Variants in PTPRE observed in about 807,000 individuals in gnomAD.
PTPRE encodes receptor-type tyrosine-protein phosphatase epsilon.
Under a neutral mutation model 102.0 loss-of-function variants are expected in PTPRE, and 51 were observed. The ratio of observed to expected loss-of-function variants is 0.50; its 90% CI spans 0.40 to 0.63. PTPRE has a LOEUF of 0.63. Ranked by LOEUF, PTPRE falls within the 30% of genes least tolerant of loss-of-function variation. PTPRE has a pLI of 0.00. For missense variants in PTPRE, 752 were observed against 915.1 expected (o/e 0.82, Z 2.30); for synonymous variants, 345 against 348.2 (o/e 0.99, Z 0.10).
intron 2 of PTPRE, among the ~76,000 whole-genome samples, chr10:127,990,787 C>G (rs1852566794): frequency 6.6e-6 from 1 of 152,214 alleles, no homozygotes; most frequent in South Asian, 2.1e-4. Context: ...TTTGCTCTCT[C>G]ACTGCTCTCC....
At chr10:127,910,148 T>G (rs866075172) in intron 1 of PTPRE, among the ~76,000 whole-genome samples, 1 of 152,330 alleles carries the variant, frequency 6.6e-6, no homozygotes, top group Middle Eastern at 3.4e-3. Context: ...TTCTTAATAT[T>G]TGAATATCAC....
At position 127,966,313 on chromosome 10, in the gene PTPRE, C is replaced by T. The variant is rs111926023; in HGVS notation, c.-30-15961C>T. Among the ~76,000 whole-genome samples the T allele has an allele frequency of 2.5e-3, 383 of 152,246 alleles. 3 individuals are homozygous for T. Among genetic ancestry groups the T allele is most frequent in the African/African-American group, 8.0e-3 (331 of 41,532 alleles). ...TAGGAATTGCATGACAGTTACTGAT[C>T]ATTTATCTTTTAAAATGGGTCAATA... On this transcript the variant is annotated intron_variant, in intron 1 of 20. Coordinates refer to ENST00000254667, the MANE Select transcript of PTPRE (RefSeq NM_006504.6).
chr10:128,052,808 C>T lies in PTPRE; in HGVS notation c.420+3142C>T, dbSNP rs114300666. Among the ~76,000 whole-genome samples the T allele has an allele frequency of 9.8e-3, 1,492 of 152,306 alleles. 29 individuals are homozygous for T. The highest frequency in any genetic ancestry group is 0.034 in the African/African-American group (1,402 of 41,550). On this transcript the variant is annotated intron_variant, in intron 6 of 20. Transcript: ENST00000254667. Reference sequence around the variant, plus strand: ...ACCGCAAAGCTTCCAGCACAACAAACAAACCAGAACCATTCCCTGGAGCTC... The same window carrying T: ...ACCGCAAAGCTTCCAGCACAACAAATAAACCAGAACCATTCCCTGGAGCTC...
intron 2 of PTPRE, among the ~76,000 whole-genome samples, chr10:128,026,982 C>A (rs962436559): frequency 6.6e-6 from 1 of 152,218 alleles, no homozygotes; most frequent in Non-Finnish European, 1.5e-5. Context: ...AACAAATAAT[C>A]ATTTTGCCCT....
In PTPRE at chr10:128,002,683, C is replaced by CTT. The variant is rs59007980; in HGVS notation, c.-8+20423_-8+20424dup. On this transcript the variant is annotated intron_variant, in intron 2 of 20. Transcript: ENST00000254667. ...TTTGCAGTGTTTGGGAGTCACATAT[C>CTT]TTTTTTTTTTTTTTTTTTTTTTTTT... Among the ~76,000 whole-genome samples, 3 of 41,154 alleles carry CTT rather than the reference C, an allele frequency of 7.3e-5. 1 individual carries two copies. The highest frequency in any genetic ancestry group is 1.6e-3 in the East Asian group (2 of 1,228). The allele number at this position is 41,154 out of a possible 152,430, so 27.0% of individuals were successfully genotyped here. A position where few individuals can be genotyped will look rare whatever the true frequency, so the allele number is the denominator to read the frequency against.
chr10:127,992,641 G>T (rs544934879), intron 2 of PTPRE, among the ~76,000 whole-genome samples: 1 of 152,136 alleles, frequency 6.6e-6, no homozygotes, highest in Non-Finnish European at 1.5e-5. Context: ...CGCAGGCCTG[G>T]AGCCTCTCCT....
chr10:127,988,304 CT>C (rs57166500), intron 2 of PTPRE, among the ~76,000 whole-genome samples: 14,167 of 123,596 alleles, frequency 0.11, 525 homozygotes, highest in African/African-American at 0.14. Context: ...TTTTTCTTTT[CT>C]TTTTTTTTTT....
At chr10:128,060,808 G>A (rs545162019) in intron 7 of PTPRE, 131 bp from the exon 8 acceptor site, 49 of 762,566 alleles carry the variant, frequency 6.4e-5, no homozygotes, top group Middle Eastern at 4.7e-4. Context: ...CCCTGGTGTC[G>A]CTGTGAAGCT....
At chr10:127,955,584 T>C (rs1316160869) in intron 1 of PTPRE, among the ~76,000 whole-genome samples, 3 of 152,238 alleles carry the variant, frequency 2.0e-5, no homozygotes, top group African/African-American at 7.2e-5. Context: ...TGAACTTATA[T>C]TAGTATTTAA....
chr10:127,960,938 G>A (rs1487174581), intron 1 of PTPRE, among the ~76,000 whole-genome samples: 4 of 151,482 alleles, frequency 2.6e-5, no homozygotes, highest in South Asian at 2.1e-4. Context: ...GGAGAATGGC[G>A]TGAACCCGGG....
chr10:128,028,828 C>A lies in PTPRE; in HGVS notation c.-7-12047C>A, dbSNP rs1846480761. Among the ~76,000 whole-genome samples, 1 of 152,202 alleles carries A rather than the reference C, an allele frequency of 6.6e-6. No homozygotes were observed. Among genetic ancestry groups the A allele is most frequent in the African/African-American group, 2.4e-5 (1 of 41,454 alleles). On this transcript the variant is annotated intron_variant, in intron 2 of 20. Coordinates refer to ENST00000254667, the MANE Select transcript of PTPRE (RefSeq NM_006504.6). This position sits in a 1 kb window ranked among gnomAD's most constrained non-coding sequence, Gnocchi z 4.5. ...CCCCACCCATGGCCACTCACTTCCA[C>A]CCTGCCCCGGCCCAGCCCTGGCCAC...
intron 1 of PTPRE, among the ~76,000 whole-genome samples, chr10:127,948,679 G>C (rs775937637): frequency 2.6e-5 from 4 of 152,190 alleles, no homozygotes; most frequent in African/African-American, 9.7e-5. Flanking sequence ...CTTTTCATGA[G>C]TTGATAGTTC....
At chr10:128,067,291 CGCACAGAT>C (rs1435906480) in intron 11 of PTPRE, among the ~76,000 whole-genome samples, 1 of 151,496 alleles carries the variant, frequency 6.6e-6, no homozygotes, top group South Asian at 2.1e-4. Flanking sequence ...CACCCACACA[CGCACAGAT>C]GCACACATGC....
At chr10:128,065,102 A>T (rs1590200353) in intron 10 of PTPRE, among the ~76,000 whole-genome samples, 1 of 151,240 alleles carries the variant, frequency 6.6e-6, no homozygotes, top group Non-Finnish European at 1.5e-5. Flanking sequence ...ATGGCCTGTG[A>T]CCCACAGCCC....
chr10:128,050,412 AGATG>A lies in PTPRE; in HGVS notation c.420+764_420+767del, dbSNP rs954935464. ...CATATGGATGGATGAGTGGGAGGGC[AGATG>A]GATGGATGGATGGATGGGTGGATGG... On this transcript the variant is annotated intron_variant, in intron 6 of 20. Transcript: ENST00000254667. Among the ~76,000 whole-genome samples the A allele has an allele frequency of 3.0e-4, 39 of 130,598 alleles. 1 individual carries two copies. In the South Asian group the frequency reaches 5.0e-3, roughly 17 times the overall value. The allele number at this position is 130,598 out of a possible 152,430, so 85.7% of individuals were successfully genotyped here. A position where few individuals can be genotyped will look rare whatever the true frequency, so the allele number is the denominator to read the frequency against.
At chr10:128,056,440 A>G (rs4328146) in intron 7 of PTPRE, among the ~76,000 whole-genome samples, 126,918 of 152,188 alleles carry the variant, frequency 0.83, 53,198 homozygotes, top group African/African-American at 0.91. Flanking sequence ...TGCCAAGCCT[A>G]TGCTTACTGT....
chr10:128,051,310 A>G (rs1848549836), intron 6 of PTPRE, among the ~76,000 whole-genome samples: 1 of 152,242 alleles, frequency 6.6e-6, no homozygotes, highest in South Asian at 2.1e-4. Context: ...CACATAATTT[A>G]AGACAGCACC....
intron 6 of PTPRE, among the ~76,000 whole-genome samples, chr10:128,050,330 C>T (rs892070008): frequency 4.8e-4 from 45 of 94,668 alleles, no homozygotes; most frequent in African/African-American, 1.5e-3. Context: ...AGTGGGAGGG[C>T]GGATGGATGG....
At chr10:127,991,211 G>A (rs1171246620) in intron 2 of PTPRE, among the ~76,000 whole-genome samples, 1 of 152,190 alleles carries the variant, frequency 6.6e-6, no homozygotes, top group Admixed American at 6.5e-5. Context: ...GAGCAAGATC[G>A]AATTCAAAGG....
Sources: allele counts gnomAD v4.1 joint callset (sites outside exome capture counted in the v4.1 genomes callset), GRCh38; gene constraint gnomAD v4.1.1; non-coding constraint Gnocchi (gnomAD v3.1); transcripts MANE v1.5; gene names NCBI Gene and HGNC (gene_info 2026-07-23, HGNC 2026-07-21).